RELT: variants seen among roughly 807,000 people sequenced by gnomAD.
RELT encodes the protein RELT TNF receptor.
A neutral mutation model predicts 51.1 loss-of-function variants in RELT; 37 were observed. That is an observed-to-expected ratio of 0.72 (90% CI 0.56 to 0.95). The LOEUF is 0.95. Among genes scored for constraint, RELT ranks in the 40% least tolerant of loss-of-function variants. The pLI, the probability that RELT is intolerant of heterozygous loss-of-function variation, is 0.00. For missense variants in RELT, 535 were observed against 572.6 expected, an observed-to-expected ratio of 0.93 and a Z score of 0.67; for synonymous variants, 241 against 235.7, an observed-to-expected ratio of 1.02 and a Z score of -0.21.
intron 2 of RELT, among the ~76,000 whole-genome samples, chr11:73,389,454 C>T (rs1428924248): frequency 3.9e-5 from 6 of 152,222 alleles, no homozygotes; most frequent in Middle Eastern, 3.2e-3. Flanking sequence ...GGCATGAGAA[C>T]GGAGCCCAGC....
At chr11:73,389,025 C>G (rs1565221322) in intron 1 of RELT, 87 bp from the exon 2 acceptor site, 1 of 731,544 alleles carries the variant, frequency 1.4e-6, no homozygotes, top group Non-Finnish European at 2.4e-6. Flanking sequence ...CCCCATGAGT[C>G]CTGTCATCCT....
intron 5 of RELT, chr11:73,391,985 T>C (rs1866222292): frequency 1.7e-6 from 1 of 598,564 alleles, no homozygotes; most frequent in Non-Finnish European, 3.0e-6. Context: ...TGGGGCTGGG[T>C]GTCTGGCCGT....
intron 2 of RELT, among the ~76,000 whole-genome samples, chr11:73,389,975 A>C (rs368135974): frequency 2.6e-5 from 4 of 152,104 alleles, no homozygotes; most frequent in South Asian, 4.1e-4. Context: ...GAGAAGATGG[A>C]GCTTTCTTTT....
Position 73,387,716 on chromosome 11 carries a change from C to T in RELT, c.-25-1396C>T, listed in dbSNP as rs565480168. ...CTCTGAGATCTGCCAAGAGGGAGGGCGGGTGGACAGATCGGTTTCCTGGGC... is the reference window on the plus strand; with the variant it reads ...CTCTGAGATCTGCCAAGAGGGAGGGTGGGTGGACAGATCGGTTTCCTGGGC... On this transcript the variant is annotated intron_variant, in intron 1 of 10. Coordinates refer to ENST00000064780, the MANE Select transcript of RELT (RefSeq NM_152222.2). Among the ~76,000 whole-genome samples, 10 of 152,234 alleles carry T rather than the reference C, an allele frequency of 6.6e-5. 1 individual carries two copies. In the East Asian group the frequency reaches 9.6e-4, roughly 15 times the overall value.
intron 1 of RELT, among the ~76,000 whole-genome samples, chr11:73,381,639 C>T (rs369839994): frequency 6.6e-6 from 1 of 152,162 alleles, no homozygotes; most frequent in South Asian, 2.1e-4. Context: ...TGCCTGTGAA[C>T]GCTGAGTCCT....
In RELT at chr11:73,394,045, C is replaced by A. The variant is rs1178783491; in HGVS notation, c.706+128C>A. The A allele has an allele frequency of 3.8e-6, 4 of 1,050,066 alleles. No individual in the cohort carries two copies. The Admixed American group carries it at 7.5e-5, about 20-fold the overall frequency. The allele number at this position is 1,050,066 out of a possible 1,614,324, so 65.0% of individuals were successfully genotyped here. A position where few individuals can be genotyped will look rare whatever the true frequency, so the allele number is the denominator to read the frequency against. On this transcript the variant is annotated intron_variant, in intron 7 of 10. Transcript: ENST00000064780. The surrounding 1 kb of genome is among the most constrained non-coding windows in gnomAD (Gnocchi z 4.9). The stretch of plus-strand genomic sequence containing the variant: ...TTCCCTGCCAGGGTGCCTCAAGCAG[C>A]CTGGTGCTCTCTGACCCAGGAGTGC...
In RELT at chr11:73,395,241, A is replaced by T; in HGVS notation, c.1201A>T (p.Ser401Cys). The T allele has an allele frequency of 6.2e-7, 1 of 1,613,190 alleles. No homozygotes were observed. Among genetic ancestry groups the T allele is most frequent in the African/African-American group, 1.3e-5 (1 of 75,054 alleles). The change falls in exon 10 of 11, where the codon AGC becomes TGC. Residue 401 changes from serine (S) to cysteine (C), a missense_variant. By Grantham distance (112) the Ser-to-Cys change is moderately radical (BLOSUM62 -1). Coordinates refer to ENST00000064780, the MANE Select transcript of RELT (RefSeq NM_152222.2). ...EQQALLGSGGSRTKWLKPPAE... is the reference protein window; with the variant it reads ...EQQALLGSGGCRTKWLKPPAE... ...GCAGGCCCTGCTAGGAAGTGGCGGA[A>T]GCCGTACAAAGTGGCTGAAGCCCCC...
At chr11:73,387,389 G>A (rs979092091) in intron 1 of RELT, among the ~76,000 whole-genome samples, 4 of 152,226 alleles carry the variant, frequency 2.6e-5, no homozygotes, top group African/African-American at 4.8e-5. Flanking sequence ...AGACAGGCTC[G>A]AGGTGGGAGC....
Position 73,395,821 on chromosome 11 carries a change from G to A in RELT, c.*330G>A, listed in dbSNP as rs1866310682. On this transcript the variant is annotated 3_prime_UTR_variant, in exon 11 of 11. Transcript: ENST00000064780. ...GTATCATCAGAGGCTGGGCTTGGCAGAGGGGAGGGGCCTGTGCCCGTCACC... is the reference window on the plus strand; with the variant it reads ...GTATCATCAGAGGCTGGGCTTGGCAAAGGGGAGGGGCCTGTGCCCGTCACC... 2.2e-6 allele frequency: 1 copy of A among 456,320 alleles called. No individual in the cohort carries two copies. The highest frequency in any genetic ancestry group is 4.0e-6 in the Non-Finnish European group (1 of 250,862). The allele number at this position is 456,320 out of a possible 1,614,324, so 28.3% of individuals were successfully genotyped here. A position where few individuals can be genotyped will look rare whatever the true frequency, so the allele number is the denominator to read the frequency against.
In RELT at chr11:73,392,375, T is replaced by C. The variant is rs1319413432; in HGVS notation, c.532T>C (p.Leu178=). 2 of 1,613,730 alleles carry C rather than the reference T, an allele frequency of 1.2e-6. No homozygotes were observed. The highest frequency in any genetic ancestry group is 3.3e-5 in the Admixed American group (2 of 60,004). Residue 178 remains leucine (L), a synonymous_variant, in exon 6 of 11, where the codon TTG becomes CTG. Transcript: ENST00000064780. ...IVPVFCLMGL[L]GILVCNLLKR... ...CCCTGTCTTCTGCCTCATGGGGCTG[T>C]TGGGCATCCTGGTGTGCAACCTCCT...
chr11:73,385,991 A>G (rs1376727465), intron 1 of RELT, among the ~76,000 whole-genome samples: 1 of 152,266 alleles, frequency 6.6e-6, no homozygotes, highest in East Asian at 1.9e-4. Flanking sequence ...GTGCTACTGC[A>G]GTCCATCCTG....
At chr11:73,380,091 C>G (rs530072442) in intron 1 of RELT, among the ~76,000 whole-genome samples, 1 of 152,336 alleles carries the variant, frequency 6.6e-6, no homozygotes, top group Non-Finnish European at 1.5e-5. Context: ...TCCTCCCTCA[C>G]TGCTGGGGAA....
At position 73,392,454 on chromosome 11, in the gene RELT, G is replaced by C; in HGVS notation, c.611G>C (p.Gly204Ala). The C allele has an allele frequency of 6.2e-7, 1 of 1,612,576 alleles. No homozygotes were observed. The highest frequency in any genetic ancestry group is 8.5e-7 in the Non-Finnish European group (1 of 1,179,840). The change falls in exon 6 of 11, where the codon GGA becomes GCA. Residue 204 changes from glycine (G) to alanine (A), a missense_variant. By Grantham distance (60) the Gly-to-Ala change is moderately conservative. Transcript: ENST00000064780. ...TAHKEVGPGP[G>A]GGGSGINPAY... is the part of the protein sequence containing the mutation. ...CACAAGGAGGTCGGGCCCGGCCCTG[G>C]AGGTGGAGGCAGTGGTGAGGCCCAG...
Position 73,395,122 on chromosome 11 carries a change from G to A in RELT, c.1082G>A (p.Ser361Asn), listed in dbSNP as rs1866291979. 1 of 1,613,658 alleles carries A rather than the reference G, an allele frequency of 6.2e-7. No individual in the cohort carries two copies. Among genetic ancestry groups the A allele is most frequent in the Non-Finnish European group, 8.5e-7 (1 of 1,180,012 alleles). The change falls in exon 10 of 11, where the codon AGT becomes AAT. Residue 361 changes from serine to asparagine, a missense_variant. Ser to Asn is a conservative substitution (Grantham distance 46). Coordinates refer to ENST00000064780, the MANE Select transcript of RELT (RefSeq NM_152222.2). ...GCTCGAATTCCTGAGCAGCGGACAA[G>A]TTCAATGGTGTCTGAGGTGAAGACC... ...RVARIPEQRT[S>N]SMVSEVKTIT...
Position 73,389,220 on chromosome 11 carries a change from A to AC in RELT, c.45+42dup, listed in dbSNP as rs770130961. The AC allele has an allele frequency of 1.4e-5, 20 of 1,446,028 alleles. No homozygotes were observed. The East Asian group carries it at 5.2e-4, about 38-fold the overall frequency. 89.6% of individuals were successfully genotyped at this position (1,446,028 alleles called of 1,614,324 possible). A position where few individuals can be genotyped will look rare whatever the true frequency, so the allele number is the denominator to read the frequency against. On this transcript the variant is annotated intron_variant, in intron 2 of 10. Transcript: ENST00000064780. Reference sequence around the variant, plus strand: ...GGGCCCTGGGAAGGAGAAAAGCCGCACCCTCAGCCCTGCAGCCCTCCAGCA... The same window carrying AC: ...GGGCCCTGGGAAGGAGAAAAGCCGCACCCCTCAGCCCTGCAGCCCTCCAGCA...
In RELT at chr11:73,394,614, C is replaced by A. The variant is rs767718974; in HGVS notation, c.926C>A (p.Ser309Tyr). 1.9e-6 allele frequency: 3 copies of A among 1,613,422 alleles called. No homozygotes were observed. The highest frequency in any genetic ancestry group is 2.5e-6 in the Non-Finnish European group (3 of 1,180,020). ...AAGAAGTGGCCCGAGGTGCTGCTGT[C>A]CCCTGAGGCTGTAGCCGCCACTACT... is the stretch of plus-strand genomic sequence containing the variant. ...SQKKWPEVLL[S>Y]PEAVAATTPV... Residue 309 changes from serine (S) to tyrosine (Y), a missense_variant, in exon 9 of 11, where the codon TCC becomes TAC. Coordinates refer to ENST00000064780, the MANE Select transcript of RELT (RefSeq NM_152222.2). The surrounding 1 kb of genome is among the most constrained non-coding windows in gnomAD (Gnocchi z 4.9).
In RELT at chr11:73,394,315, C is replaced by T. The variant is rs562773407; in HGVS notation, c.786C>T (p.Ser262=). The stretch of plus-strand genomic sequence containing the variant: ...TGCAGACGAGCCACAGGCCTGTGTC[C>T]AAGTGAGTGGGCTGGTGGGAGATAA... The part of the protein sequence containing the change: ...QLVQTSHRPV[S]KLPPAPPNVP... Residue 262 remains serine (S), a splice_region_variant and synonymous_variant, in exon 8 of 11, where the codon TCC becomes TCT. Coordinates refer to ENST00000064780, the MANE Select transcript of RELT (RefSeq NM_152222.2). The surrounding 1 kb of genome is among the most constrained non-coding windows in gnomAD (Gnocchi z 4.9). 6.2e-7 allele frequency: 1 copy of T among 1,613,124 alleles called. No homozygotes were observed. Among genetic ancestry groups the T allele is most frequent in the East Asian group, 2.2e-5 (1 of 44,888 alleles).
At position 73,390,620 on chromosome 11, in the gene RELT, G is replaced by A. The variant is rs149806104; in HGVS notation, c.115G>A (p.Asp39Asn). The change falls in exon 3 of 11, where the codon GAC becomes AAC. Residue 39 changes from aspartate (D) to asparagine (N), a missense_variant. By Grantham distance (23) the Asp-to-Asn change is conservative (BLOSUM62 1). Transcript: ENST00000064780. The stretch of plus-strand genomic sequence containing the variant: ...GCAGTGCCCACCTGGGGAGGAGCCC[G>A]ACCTGGTGAGCATTGCCCTGCTCTC... ...LWQCPPGEEP[D>N]LDPGQGTLCR... 22 of 1,613,660 alleles carry A rather than the reference G, an allele frequency of 1.4e-5. No homozygotes were observed. In the East Asian group the frequency reaches 1.8e-4, roughly 13 times the overall value.
intron 6 of RELT, 154 bp from the exon 7 acceptor site, chr11:73,393,683 C>A (rs1435094693): frequency 6.3e-7 from 1 of 1,588,580 alleles, no homozygotes; most frequent in African/African-American, 1.3e-5. Flanking sequence ...AGCCTGGATC[C>A]CACATTTGCA....
Sources: gnomAD v4.1 joint callset for allele counts (sites outside exome capture counted in the v4.1 genomes callset) on GRCh38, gnomAD v4.1.1 for gene constraint, Gnocchi (gnomAD v3.1) non-coding constraint, MANE v1.5 for transcripts, NCBI Gene and HGNC (gene_info 2026-07-23, HGNC 2026-07-21) for gene names.